GLG1: variants seen among roughly 807,000 people sequenced by gnomAD.
GLG1 encodes the protein Golgi apparatus protein 1.
GLG1 carries 38 observed loss-of-function variants against 160.5 expected under a neutral mutation model. That is an observed-to-expected ratio of 0.24 (90% CI 0.18 to 0.31). GLG1 has a LOEUF of 0.31. Ranked by LOEUF, GLG1 falls within the 10% of genes least tolerant of loss-of-function variation. GLG1 has a pLI of 1.00. For synonymous variants in GLG1, 644 were observed against 543.4 expected, an observed-to-expected ratio of 1.19 and a Z score of -2.57; for missense variants, 1,373 against 1,505.2, an observed-to-expected ratio of 0.91 and a Z score of 1.45.
chr16:74,591,235 G>T (rs992512244), intron 1 of GLG1, among the ~76,000 whole-genome samples: 2 of 152,022 alleles, frequency 1.3e-5, no homozygotes, highest in Admixed American at 6.6e-5. Context: ...GGAGGCTGAC[G>T]CAGAAGAATC....
chr16:74,459,170 G>A (rs2014678186), intron 23 of GLG1, among the ~76,000 whole-genome samples: 1 of 152,158 alleles, frequency 6.6e-6, no homozygotes, highest in Non-Finnish European at 1.5e-5. Flanking sequence ...TGACATCAGT[G>A]AAATTCTTTT....
intron 19 of GLG1, among the ~76,000 whole-genome samples, chr16:74,464,469 C>A (rs1213984925): frequency 6.6e-6 from 1 of 152,236 alleles, no homozygotes; most frequent in Non-Finnish European, 1.5e-5. Context: ...AACTCCCTAT[C>A]CGTTCTGCTA....
chr16:74,470,277 CTCCT>C (rs1447733807), intron 15 of GLG1, among the ~76,000 whole-genome samples: 2 of 148,364 alleles, frequency 1.3e-5, no homozygotes, highest in African/African-American at 2.5e-5. Flanking sequence ...CCCTCCCTCC[CTCCT>C]TCCTTCCTTT....
chr16:74,591,498 G>A (rs893157273), intron 1 of GLG1, among the ~76,000 whole-genome samples: 1 of 149,622 alleles, frequency 6.7e-6, no homozygotes, highest in African/African-American at 2.5e-5. Flanking sequence ...CGTGGTGGCG[G>A]GTGCCCGTAG....
At chr16:74,453,626 G>A (rs1248597887) in intron 25 of GLG1, among the ~76,000 whole-genome samples, 1 of 152,146 alleles carries the variant, frequency 6.6e-6, no homozygotes, top group African/African-American at 2.4e-5. Context: ...GATGTGTCGG[G>A]CCCTGGACGA....
At chr16:74,453,405 T>C (rs891765019) in intron 25 of GLG1, 71 bp from the exon 26 acceptor site, 3 of 917,292 alleles carry the variant, frequency 3.3e-6, no homozygotes, top group African/African-American at 1.6e-5. Context: ...GTCTAACTTA[T>C]CCCTCTCAGT....
intron 3 of GLG1, among the ~76,000 whole-genome samples, chr16:74,508,348 T>G (rs1042573763): frequency 1.1e-4 from 17 of 151,912 alleles, no homozygotes; most frequent in Non-Finnish European, 2.4e-4. Context: ...AAAAAGAAAT[T>G]TAAAGTACCA....
In GLG1 at chr16:74,469,311, C is replaced by A. The variant is rs141714997; in HGVS notation, c.2319-248G>T. 1.8e-3 allele frequency: 963 copies of A among 548,102 alleles called. 7 individuals are homozygous for A. In the East Asian group the frequency reaches 0.026, roughly 15 times the overall value. The allele number at this position is 548,102 out of a possible 1,614,324, so 34.0% of individuals were successfully genotyped here. A position where few individuals can be genotyped will look rare whatever the true frequency, so the allele number is the denominator to read the frequency against. ...ACAGAAGGGGAAGCCACACAGGGCACATGTGTGCAACGACAGTTCAACATC... is the reference window on the plus strand; with the variant it reads ...ACAGAAGGGGAAGCCACACAGGGCAAATGTGTGCAACGACAGTTCAACATC... On this transcript the variant is annotated intron_variant, in intron 16 of 25. Transcript: ENST00000422840.
chr16:74,467,463 G>C (rs1053140552), intron 18 of GLG1, among the ~76,000 whole-genome samples: 1 of 152,140 alleles, frequency 6.6e-6, no homozygotes, highest in Non-Finnish European at 1.5e-5. Context: ...CTACAGAGGA[G>C]GAGGCATCTG....
intron 2 of GLG1, among the ~76,000 whole-genome samples, chr16:74,524,817 C>T (rs2017285810): frequency 6.6e-6 from 1 of 152,086 alleles, no homozygotes; most frequent in Admixed American, 6.5e-5. Flanking sequence ...CCACTAATTC[C>T]AGAATATTTC....
chr16:74,574,962 C>T (rs1396693811), intron 1 of GLG1, among the ~76,000 whole-genome samples: 1 of 100,950 alleles, frequency 9.9e-6, no homozygotes, highest in African/African-American at 4.0e-5. Flanking sequence ...AACAAGAAGC[C>T]GGGTGCAGTG....
intron 1 of GLG1, among the ~76,000 whole-genome samples, chr16:74,537,246 G>A (rs1018622301): frequency 1.3e-5 from 2 of 152,106 alleles, no homozygotes; most frequent in African/African-American, 4.8e-5. Flanking sequence ...CTTGGGTAAT[G>A]CTGTATAAAT....
chr16:74,576,130 A>G (rs1252048906), intron 1 of GLG1, among the ~76,000 whole-genome samples: 1 of 152,022 alleles, frequency 6.6e-6, no homozygotes. Flanking sequence ...CCGGGAGGTG[A>G]AGGCGGCGGT....
At chr16:74,458,827 T>C (rs990182273) in intron 23 of GLG1, among the ~76,000 whole-genome samples, 5 of 152,202 alleles carry the variant, frequency 3.3e-5, no homozygotes, top group African/African-American at 1.2e-4. Context: ...TTTACAGATG[T>C]CCTGAATGAG....
intron 1 of GLG1, among the ~76,000 whole-genome samples, chr16:74,579,587 TG>T (rs1957893285): frequency 6.6e-6 from 1 of 151,788 alleles, no homozygotes; most frequent in Admixed American, 6.6e-5. Flanking sequence ...CCAGGTGTAG[TG>T]GCACACACCT....
At position 74,483,071 on chromosome 16, in the gene GLG1, C is replaced by G; in HGVS notation, c.1625G>C (p.Cys542Ser). Residue 542 changes from cysteine (C) to serine (S), a missense_variant, in exon 10 of 26, where the codon TGT becomes TCT. Physicochemically the swap from Cys to Ser is moderately radical, Grantham distance 112. This residue lies in a region of GLG1 where 386 missense variants were observed against 388.5 expected (regional missense o/e 0.99). Transcript: ENST00000422840. Reference sequence around the variant, plus strand: ...CTGCAGCTCTAAGAGACGGTGTTCACAGTCTTCTACCATCTTCTCTGTGTA... The same window carrying G: ...CTGCAGCTCTAAGAGACGGTGTTCAGAGTCTTCTACCATCTTCTCTGTGTA... ...HLYTEKMVED[C>S]EHRLLELQYF... is the part of the protein sequence containing the mutation. 6.2e-7 allele frequency: 1 copy of G among 1,611,068 alleles called. No individual in the cohort carries two copies. Among genetic ancestry groups the G allele is most frequent in the Non-Finnish European group, 8.5e-7 (1 of 1,177,294 alleles).
intron 1 of GLG1, among the ~76,000 whole-genome samples, chr16:74,593,918 CA>C (rs1845488985): frequency 1.3e-5 from 2 of 151,334 alleles, no homozygotes; most frequent in African/African-American, 4.9e-5. Context: ...TTCTTGTTGT[CA>C]TTTTTTTGAG....
chr16:74,595,317 C>G lies in GLG1; in HGVS notation c.438+11340G>C, dbSNP rs1416123434. ...CTTTGGGAGGCCGAGGCAGGCAGATCACAAGGTCAGGAGATCGAGACCATC... is the reference window on the plus strand; with the variant it reads ...CTTTGGGAGGCCGAGGCAGGCAGATGACAAGGTCAGGAGATCGAGACCATC... On this transcript the variant is annotated intron_variant, in intron 1 of 25. Coordinates refer to ENST00000422840, the MANE Select transcript of GLG1 (RefSeq NM_001145667.2). 3.3e-5 allele frequency among the ~76,000 whole-genome samples: 5 copies of G among 152,192 alleles called. No individual in the cohort carries two copies. In the South Asian group the frequency reaches 8.3e-4, roughly 25 times the overall value.
intron 3 of GLG1, among the ~76,000 whole-genome samples, chr16:74,508,610 C>T (rs572843093): frequency 2.6e-5 from 4 of 152,140 alleles, no homozygotes; most frequent in African/African-American, 7.2e-5. Context: ...TGTTTTGAGA[C>T]CAATAGAACC....
Sources: allele counts gnomAD v4.1 joint callset (sites outside exome capture counted in the v4.1 genomes callset), GRCh38; gene constraint gnomAD v4.1.1; regional missense constraint gnomAD v4.1.1; transcripts MANE v1.5; gene names NCBI Gene and HGNC (gene_info 2026-07-23, HGNC 2026-07-21).